The following ADGRL3 variants were observed in gnomAD, a reference collection of about 807,000 sequenced individuals.
The protein encoded by ADGRL3 is adhesion G protein-coupled receptor L3, also known as calcium-independent alpha-latrotoxin receptor 3.
A neutral mutation model predicts 153.5 loss-of-function variants in ADGRL3; 62 were observed. The observed-to-expected ratio is 0.40, with a 90% CI of 0.33 to 0.50. The LOEUF (loss-of-function observed/expected upper bound fraction) is 0.50. ADGRL3 is among the 20% of genes least tolerant of loss of function. The pLI, the probability that ADGRL3 is intolerant of heterozygous loss-of-function variation, is 0.47. For missense variants in ADGRL3, 1,641 were observed against 1,859.4 expected (o/e 0.88, Z 2.16); for synonymous variants, 710 against 672.5 (o/e 1.06, Z -0.86).
At chr4:61,444,916 A>G (rs981897563) in intron 2 of ADGRL3, among the ~76,000 whole-genome samples, 6 of 151,936 alleles carry the variant, frequency 3.9e-5, no homozygotes, top group Admixed American at 1.3e-4. Context: ...ACCTAGGTGT[A>G]GTGGTGTACG....
intron 1 of ADGRL3, among the ~76,000 whole-genome samples, chr4:61,217,987 T>TAA (rs1355229094): frequency 6.6e-6 from 1 of 152,222 alleles, no homozygotes; most frequent in East Asian, 1.9e-4. Flanking sequence ...TATTGTTTAG[T>TAA]AAAGACAGTA....
chr4:61,878,328 G>A (rs1023861656), intron 9 of ADGRL3, among the ~76,000 whole-genome samples: 2 of 152,120 alleles, frequency 1.3e-5, no homozygotes, highest in African/African-American at 4.8e-5. Flanking sequence ...TGGGGAAAGG[G>A]GAGCATAATT....
At chr4:61,366,140 A>T (rs978889354) in intron 1 of ADGRL3, among the ~76,000 whole-genome samples, 1 of 64,244 alleles carries the variant, frequency 1.6e-5, no homozygotes, top group Non-Finnish European at 4.5e-5. Context: ...TATTTTCTTT[A>T]AAAAAAAGAA....
intron 6 of ADGRL3, among the ~76,000 whole-genome samples, chr4:61,678,182 G>T (rs1475711090): frequency 1.3e-5 from 2 of 151,862 alleles, no homozygotes; most frequent in Non-Finnish European, 2.9e-5. Flanking sequence ...AATAAAATTT[G>T]TAAACCATCC....
intron 1 of ADGRL3, among the ~76,000 whole-genome samples, chr4:61,315,869 T>A (rs1485723010): frequency 6.6e-6 from 1 of 152,170 alleles, no homozygotes; most frequent in East Asian, 1.9e-4. Flanking sequence ...CCTTCTCCTT[T>A]CCATTTTCCA....
chr4:61,430,156 A>G lies in ADGRL3; in HGVS notation c.-174+46967A>G, dbSNP rs574861306. On this transcript the variant is annotated intron_variant, in intron 2 of 26. Transcript: ENST00000683033. ...AAACAAACAGGTAATGTTGCCTTTCATCATAACTGAAGCACTTTATAAATT... is the reference window on the plus strand; with the variant it reads ...AAACAAACAGGTAATGTTGCCTTTCGTCATAACTGAAGCACTTTATAAATT... Among the ~76,000 whole-genome samples the G allele has an allele frequency of 2.6e-5, 4 of 152,308 alleles. No individual in the cohort carries two copies. In the South Asian group the frequency reaches 8.3e-4, roughly 32 times the overall value.
intron 8 of ADGRL3, among the ~76,000 whole-genome samples, chr4:61,790,902 A>G (rs4487384): frequency 0.48 from 72,995 of 151,920 alleles, 18,061 homozygotes; most frequent in East Asian, 0.61. Flanking sequence ...AAACCATCAG[A>G]TCTCATGAGA....
Position 61,200,575 on chromosome 4 carries a change from T to TGCC in ADGRL3, c.-1423_-1421dup, listed in dbSNP as rs1044812352. The stretch of plus-strand genomic sequence containing the variant: ...TCGTTGCCTCCGCTCCGGCAGCTGC[T>TGCC]GCCGCCGCCACCGCCGCCTGTGACT... On this transcript the variant is annotated 5_prime_UTR_variant, in exon 1 of 27. Transcript: ENST00000683033. Among the ~76,000 whole-genome samples the TGCC allele has an allele frequency of 1.3e-5, 2 of 151,672 alleles. No individual in the cohort carries two copies. Among genetic ancestry groups the TGCC allele is most frequent in the Admixed American group, 1.3e-4 (2 of 15,250 alleles).
chr4:61,712,546 A>C (rs2096016084), intron 6 of ADGRL3, among the ~76,000 whole-genome samples: 1 of 152,214 alleles, frequency 6.6e-6, no homozygotes, highest in Admixed American at 6.5e-5. Flanking sequence ...TATAAGATGA[A>C]TAAATCAGAA....
intron 10 of ADGRL3, among the ~76,000 whole-genome samples, chr4:61,894,172 T>C (rs1172997197): frequency 1.3e-5 from 2 of 152,206 alleles, no homozygotes; most frequent in South Asian, 2.1e-4. Context: ...CTCTAAAATA[T>C]GTAAATAAGA....
chr4:61,653,145 C>A (rs2094321429), intron 5 of ADGRL3, among the ~76,000 whole-genome samples: 1 of 105,932 alleles, frequency 9.4e-6, no homozygotes, highest in South Asian at 3.5e-4. Flanking sequence ...CTCTCTCTCT[C>A]TCTCTGTCTC....
intron 2 of ADGRL3, among the ~76,000 whole-genome samples, chr4:61,403,578 T>C (rs1263942804): frequency 1.3e-5 from 2 of 152,108 alleles, no homozygotes; most frequent in African/African-American, 4.8e-5. Context: ...GTCAGTTGTA[T>C]GCTTTTATAA....
At chr4:61,803,076 A>G (rs1434480321) in intron 8 of ADGRL3, among the ~76,000 whole-genome samples, 1 of 152,108 alleles carries the variant, frequency 6.6e-6, no homozygotes, top group Non-Finnish European at 1.5e-5. Flanking sequence ...AAACATTCAA[A>G]TTAAGCAAAA....
chr4:61,413,510 G>A (rs918284165), intron 2 of ADGRL3, among the ~76,000 whole-genome samples: 1 of 152,108 alleles, frequency 6.6e-6, no homozygotes, highest in African/African-American at 2.4e-5. Context: ...TAGTGGAGAT[G>A]GAACTCTAGG....
At chr4:61,794,918 C>T (rs1435431736) in intron 8 of ADGRL3, among the ~76,000 whole-genome samples, 1 of 152,184 alleles carries the variant, frequency 6.6e-6, no homozygotes, top group Non-Finnish European at 1.5e-5. Flanking sequence ...TCATTGCTTT[C>T]ACAATTACTT....
intron 25 of ADGRL3, among the ~76,000 whole-genome samples, chr4:62,056,800 C>T (rs1052843022): frequency 1.3e-5 from 2 of 151,718 alleles, no homozygotes; most frequent in Non-Finnish European, 2.9e-5. Context: ...CATGATGGAC[C>T]GGAATGAAGA....
intron 1 of ADGRL3, among the ~76,000 whole-genome samples, chr4:61,304,640 A>ATG (rs200233068): frequency 1.4e-4 from 22 of 151,844 alleles, no homozygotes; most frequent in African/African-American, 4.8e-4. Context: ...TATGTAATTC[A>ATG]TGTGTGTGTG....
chr4:61,368,710 G>T (rs557824357), intron 1 of ADGRL3, among the ~76,000 whole-genome samples: 1 of 152,012 alleles, frequency 6.6e-6, no homozygotes, highest in African/African-American at 2.4e-5. Flanking sequence ...TTGGCAATGC[G>T]GGCTCTTTTT....
intron 8 of ADGRL3, among the ~76,000 whole-genome samples, chr4:61,810,156 C>G (rs1333916230): frequency 1.3e-5 from 2 of 152,104 alleles, no homozygotes; most frequent in Non-Finnish European, 2.9e-5. Context: ...AAATAGCTCT[C>G]AATATTTTTA....
Sources: gnomAD v4.1 joint callset for allele counts (sites outside exome capture counted in the v4.1 genomes callset) on GRCh38, gnomAD v4.1.1 for gene constraint, MANE v1.5 for transcripts, NCBI Gene and HGNC (gene_info 2026-07-23, HGNC 2026-07-21) for gene names.